The following TBCEL variants were observed in gnomAD, a reference collection of about 807,000 sequenced individuals.
The protein encoded by TBCEL is tubulin folding cofactor E like.
TBCEL carries 15 observed loss-of-function variants against 44.2 expected under a neutral mutation model. That is an observed-to-expected ratio of 0.34 (90% CI 0.23 to 0.52). The LOEUF (loss-of-function observed/expected upper bound fraction) is 0.52, where lower values mean the gene tolerates loss of function less well. TBCEL is among the 20% of genes least tolerant of loss of function. The probability of loss-of-function intolerance (pLI) is 0.95; values close to 1 mark genes in which losing one functional copy is unlikely to be tolerated. For missense variants in TBCEL, 319 were observed against 506.3 expected, an observed-to-expected ratio of 0.63 and a Z score of 3.55; for synonymous variants, 171 against 185.4, an observed-to-expected ratio of 0.92 and a Z score of 0.63.
At chr11:121,041,258 C>T (rs1052086217) in intron 2 of TBCEL, among the ~76,000 whole-genome samples, 6 of 152,096 alleles carry the variant, frequency 3.9e-5, no homozygotes, top group African/African-American at 1.4e-4. Context: ...AAATTGTTTG[C>T]GTACTTAACC....
chr11:121,071,806 A>G (rs369300039), intron 8 of TBCEL, among the ~76,000 whole-genome samples: 1 of 152,152 alleles, frequency 6.6e-6, no homozygotes, highest in African/African-American at 2.4e-5. Context: ...CACCACCTCA[A>G]TGAAGGCTTA....
chr11:121,060,118 A>T (rs1032653069), intron 8 of TBCEL, 33 bp downstream of exon 8: 3 of 1,512,034 alleles, frequency 2.0e-6, no homozygotes, highest in Non-Finnish European at 2.8e-6. Flanking sequence ...AACACTTTAG[A>T]GGGTGGTGAT....
At chr11:121,077,020 CT>C (rs1946045747) in intron 8 of TBCEL, among the ~76,000 whole-genome samples, 1 of 151,854 alleles carries the variant, frequency 6.6e-6, no homozygotes. Flanking sequence ...GATGTAGTAT[CT>C]TTTTTTATAT....
Position 121,055,165 on chromosome 11 carries a change from C to G in TBCEL, c.569C>G (p.Thr190Ser). 6.2e-7 allele frequency: 1 copy of G among 1,612,284 alleles called. No homozygotes were observed. The highest frequency in any genetic ancestry group is 8.5e-7 in the Non-Finnish European group (1 of 1,178,968). ...HITDNNLQDWTEIRKLGVMFP... is the reference protein window; with the variant it reads ...HITDNNLQDWSEIRKLGVMFP... The stretch of plus-strand genomic sequence containing the variant: ...ACAGACAATAACCTCCAAGACTGGA[C>G]TGAAATACGAAAGTTAGGAGTTATG... Residue 190 changes from threonine (T) to serine (S), a missense_variant, in exon 6 of 9, where the codon ACT becomes AGT. Physicochemically the swap from Thr to Ser is moderately conservative, Grantham distance 58 (BLOSUM62 1). Transcript: ENST00000683345.
intron 2 of TBCEL, among the ~76,000 whole-genome samples, chr11:121,038,154 C>A (rs1945267279): frequency 6.6e-6 from 1 of 151,874 alleles, no homozygotes; most frequent in South Asian, 2.1e-4. Flanking sequence ...GAGACAGAAA[C>A]CATTTCGCCA....
In TBCEL at chr11:121,086,910, A is replaced by T; in HGVS notation, c.1089A>T (p.Gln363His). 1.2e-6 allele frequency: 2 copies of T among 1,614,116 alleles called. No homozygotes were observed. Among genetic ancestry groups the T allele is most frequent in the Non-Finnish European group, 1.7e-6 (2 of 1,180,000 alleles). Residue 363 changes from glutamine to histidine, a missense_variant, in exon 9 of 9, where the codon CAA becomes CAT. Transcript: ENST00000683345. ...AAGAAATGAGCATTCGTCTGGACCA[A>T]ACAGTGGCAGAACTAAAGAAACAGT... ...QVEEMSIRLDQTVAELKKQLK... is the reference protein window; with the variant it reads ...QVEEMSIRLDHTVAELKKQLK...
intron 1 of TBCEL, among the ~76,000 whole-genome samples, chr11:121,029,079 G>T (rs75009261): frequency 6.6e-6 from 1 of 151,982 alleles, no homozygotes; most frequent in Non-Finnish European, 1.5e-5. Flanking sequence ...TCACTCATTT[G>T]TGTTTGTGCA....
intron 1 of TBCEL, among the ~76,000 whole-genome samples, chr11:121,034,689 A>G (rs1945200627): frequency 6.6e-6 from 1 of 152,206 alleles, no homozygotes; most frequent in African/African-American, 2.4e-5. Flanking sequence ...ATACAGTTTG[A>G]AGTCACAAGA....
chr11:121,088,605 ATTTGACCT>A lies in TBCEL; in HGVS notation c.*1520_*1527del, dbSNP rs974897865. On this transcript the variant is annotated 3_prime_UTR_variant, in exon 9 of 9. Coordinates refer to ENST00000683345, the MANE Select transcript of TBCEL (RefSeq NM_001363644.2). ...AAGAATGCAGTTATTATCTGATTGC[ATTTGACCT>A]TTTGACCTTTGTTACATAATTCTAC... 8.5e-5 allele frequency: 13 copies of A among 152,316 alleles called. No individual in the cohort carries two copies. The highest frequency in any genetic ancestry group is 3.1e-4 in the African/African-American group (13 of 41,592). The allele number at this position is 152,316 out of a possible 1,614,324, so 9.4% of individuals were successfully genotyped here.
chr11:121,034,386 C>G (rs993142324), intron 1 of TBCEL, among the ~76,000 whole-genome samples: 3 of 152,114 alleles, frequency 2.0e-5, no homozygotes, highest in Non-Finnish European at 1.5e-5. Flanking sequence ...CTTGTAGTGG[C>G]AAATATTTCT....
chr11:121,029,503 G>A (rs1945106667), intron 1 of TBCEL, among the ~76,000 whole-genome samples: 1 of 152,168 alleles, frequency 6.6e-6, no homozygotes, highest in Non-Finnish European at 1.5e-5. Context: ...TGAGGAAGCA[G>A]GCATAGAGAT....
At chr11:121,057,533 A>G (rs1945643246) in intron 6 of TBCEL, 1 of 442,912 alleles carries the variant, frequency 2.3e-6, no homozygotes, top group Non-Finnish European at 4.5e-6. Context: ...CACCAAATTG[A>G]TAATACAGTC....
intron 1 of TBCEL, among the ~76,000 whole-genome samples, chr11:121,031,400 A>C (rs1486086229): frequency 6.6e-6 from 1 of 152,174 alleles, no homozygotes; most frequent in Non-Finnish European, 1.5e-5. Flanking sequence ...ATGGTATCTC[A>C]TTGAGATTTT....
At position 121,070,789 on chromosome 11, in the gene TBCEL, A is replaced by T. The variant is rs146786561; in HGVS notation, c.956+10704A>T. ...AATGGGTGCAGCACACCAACATGGCACATGTTTGCACGTTGTGCACATGTA... is the reference window on the plus strand; with the variant it reads ...AATGGGTGCAGCACACCAACATGGCTCATGTTTGCACGTTGTGCACATGTA... On this transcript the variant is annotated intron_variant, in intron 8 of 8. Coordinates refer to ENST00000683345, the MANE Select transcript of TBCEL (RefSeq NM_001363644.2). 6.4e-3 allele frequency among the ~76,000 whole-genome samples: 969 copies of T among 151,880 alleles called. 10 individuals are homozygous for T. The highest frequency in any genetic ancestry group is 0.022 in the African/African-American group (918 of 41,346).
At chr11:121,046,950 A>C (rs750873297) in intron 3 of TBCEL, among the ~76,000 whole-genome samples, 1 of 152,064 alleles carries the variant, frequency 6.6e-6, no homozygotes, top group African/African-American at 2.4e-5. Context: ...AATGGAGATA[A>C]TTGATAGACA....
intron 1 of TBCEL, among the ~76,000 whole-genome samples, chr11:121,025,726 T>TA (rs925465077): frequency 6.6e-6 from 1 of 151,966 alleles, no homozygotes; most frequent in Non-Finnish European, 1.5e-5. Context: ...ATTTTTTTTT[T>TA]TTTTATTTTA....
intron 1 of TBCEL, among the ~76,000 whole-genome samples, chr11:121,026,819 G>A (rs1945054729): frequency 6.6e-6 from 1 of 152,126 alleles, no homozygotes. Context: ...GAACATTAAG[G>A]AAGATTCTTA....
intron 7 of TBCEL, among the ~76,000 whole-genome samples, chr11:121,058,880 AG>A (rs555804718): frequency 6.8e-4 from 104 of 152,074 alleles, no homozygotes; most frequent in African/African-American, 2.5e-3. Context: ...AAAACTTAAG[AG>A]GGCAGCATCT....
At chr11:121,070,148 A>G (rs887062285) in intron 8 of TBCEL, among the ~76,000 whole-genome samples, 9 of 152,302 alleles carry the variant, frequency 5.9e-5, no homozygotes, top group Admixed American at 2.0e-4. Flanking sequence ...CAAAACCACA[A>G]TGAGATACCA....
Sources: gnomAD v4.1 joint callset for allele counts (sites outside exome capture counted in the v4.1 genomes callset) on GRCh38, gnomAD v4.1.1 for gene constraint, MANE v1.5 for transcripts, NCBI Gene and HGNC (gene_info 2026-07-23, HGNC 2026-07-21) for gene names.